Variants in RERE observed in about 807,000 individuals in gnomAD.
RERE encodes the protein arginine-glutamic acid dipeptide repeats protein.
In RERE, 40 loss-of-function variants were observed where a neutral mutation model predicts 146.1. The ratio of observed to expected loss-of-function variants is 0.27; its 90% CI spans 0.21 to 0.36. RERE has a LOEUF of 0.36. Ranked by LOEUF, RERE falls within the 10% of genes least tolerant of loss-of-function variation. The pLI, the probability that RERE is intolerant of heterozygous loss-of-function variation, is 1.00. For missense variants in RERE, 1,933 were observed against 2,138.7 expected, an observed-to-expected ratio of 0.90 and a Z score of 1.90; for synonymous variants, 1,003 against 866.0, an observed-to-expected ratio of 1.16 and a Z score of -2.78.
intron 19 of RERE, 46 bp downstream of exon 19, chr1:8,359,718 G>A (rs781710674): frequency 6.3e-6 from 10 of 1,586,840 alleles, no homozygotes; most frequent in Non-Finnish European, 8.5e-6. Flanking sequence ...CCCAGGCGCA[G>A]GATGGACCAG....
In RERE at chr1:8,360,409, G is replaced by A. The variant is rs1416704167; in HGVS notation, c.3098C>T (p.Pro1033Leu). 13 of 1,384,422 alleles carry A rather than the reference G, an allele frequency of 9.4e-6. No homozygotes were observed. The highest frequency in any genetic ancestry group is 2.7e-4 in the Middle Eastern group (1 of 3,764). 85.8% of individuals were successfully genotyped at this position (1,384,422 alleles called of 1,614,324 possible). ...TGLHQVAPQP[P>L]FAQHPFVPGG... ...AGGGACAAAGGGGTGCTGAGCAAACGGGGGTTGGGGGGCCACCTGGTGGAG... is the reference window on the plus strand; with the variant it reads ...AGGGACAAAGGGGTGCTGAGCAAACAGGGGTTGGGGGGCCACCTGGTGGAG... The change falls in exon 18 of 23, where the codon CCG (proline) becomes CTG (leucine). Residue 1033 changes from proline to leucine, a missense_variant. Pro to Leu is a moderately conservative substitution (Grantham distance 98). Transcript: ENST00000400908.
At chr1:8,635,972 C>CTTATTT (rs1404664984) in intron 2 of RERE, among the ~76,000 whole-genome samples, 1 of 143,824 alleles carries the variant, frequency 7.0e-6, no homozygotes, top group African/African-American at 2.8e-5. Flanking sequence ...CTTATCTTAT[C>CTTATTT]TTATCTTATT....
intron 4 of RERE, among the ~76,000 whole-genome samples, chr1:8,592,829 G>T (rs1191112641): frequency 1.3e-5 from 2 of 152,122 alleles, no homozygotes; most frequent in African/African-American, 2.4e-5. Context: ...AAAATGAACA[G>T]AAATTCAATT....
chr1:8,763,529 G>C (rs1164495317), intron 1 of RERE, among the ~76,000 whole-genome samples: 1 of 152,238 alleles, frequency 6.6e-6, no homozygotes, highest in African/African-American at 2.4e-5. Flanking sequence ...CAGCCACTCA[G>C]GAGGCTAAGG....
At chr1:8,732,416 A>T (rs892441739) in intron 1 of RERE, among the ~76,000 whole-genome samples, 1 of 151,970 alleles carries the variant, frequency 6.6e-6, no homozygotes, top group African/African-American at 2.4e-5. Flanking sequence ...CAACCATAGA[A>T]CTTTCTTTAA....
At chr1:8,523,311 G>A (rs1168628616) in intron 7 of RERE, among the ~76,000 whole-genome samples, 1 of 152,180 alleles carries the variant, frequency 6.6e-6, no homozygotes, top group African/African-American at 2.4e-5. Context: ...TAAATGTGAG[G>A]CTCCCTCAGA....
chr1:8,625,399 A>T (rs950493023), intron 2 of RERE, among the ~76,000 whole-genome samples: 1 of 152,214 alleles, frequency 6.6e-6, no homozygotes, highest in African/African-American at 2.4e-5. Flanking sequence ...AGGTCAGGAA[A>T]GTCTACGTAT....
In RERE at chr1:8,395,368, G is replaced by A. The variant is rs140595181; in HGVS notation, c.1284+27359C>T. Among the ~76,000 whole-genome samples the A allele has an allele frequency of 8.2e-3, 1,246 of 151,954 alleles. 15 individuals carry two copies. The highest frequency in any genetic ancestry group is 0.028 in the African/African-American group (1,173 of 41,434). On this transcript the variant is annotated intron_variant, in intron 12 of 22. Transcript: ENST00000400908. ...CACACGCCTGTAGTCCCAGCTACTC[G>A]GGAGGCTGAGGCAGGAGAATAGCTT...
intron 1 of RERE, among the ~76,000 whole-genome samples, chr1:8,710,637 G>A (rs4908774): frequency 0.17 from 26,272 of 152,100 alleles, 2,732 homozygotes; most frequent in Middle Eastern, 0.26. Context: ...TCCTGCCTCA[G>A]CCTCCCTAGT....
chr1:8,701,068 A>G (rs1192110905), intron 1 of RERE, among the ~76,000 whole-genome samples: 1 of 152,208 alleles, frequency 6.6e-6, no homozygotes, highest in Non-Finnish European at 1.5e-5. Flanking sequence ...AGTGTAAGAT[A>G]AAACTACCCT....
intron 12 of RERE, among the ~76,000 whole-genome samples, chr1:8,378,692 C>G (rs1238161268): frequency 2.0e-5 from 3 of 152,214 alleles, no homozygotes; most frequent in East Asian, 1.9e-4. Context: ...ACTTCCAGAA[C>G]TGTAAGAAAA....
At chr1:8,634,071 C>A (rs541798509) in intron 2 of RERE, among the ~76,000 whole-genome samples, 1 of 152,228 alleles carries the variant, frequency 6.6e-6, no homozygotes, top group Admixed American at 6.5e-5. Context: ...ACAGAGACAC[C>A]CTTTTCATTC....
chr1:8,605,745 C>CAAAAAAAAAAAAAAAAAAAAAA (rs564574812), intron 4 of RERE, among the ~76,000 whole-genome samples: 6 of 64,536 alleles, frequency 9.3e-5, no homozygotes, highest in African/African-American at 3.0e-4. Context: ...ACCCCATCTC[C>CAAAAAAAAAAAAAAAAAAAAAA]AAAAAAAAAA....
Position 8,621,838 on chromosome 1 carries a change from A to T in RERE, c.396+2472T>A, listed in dbSNP as rs190953998. 9.8e-4 allele frequency among the ~76,000 whole-genome samples: 150 copies of T among 152,364 alleles called. 1 individual carries two copies. Among genetic ancestry groups the T allele is most frequent in the Middle Eastern group, 6.8e-3 (2 of 294 alleles). ...TAGCTTCAGTAAACTGAAGGAGAAA[A>T]AAATCTTGATCATTCTCATCTGATT... On this transcript the variant is annotated intron_variant, in intron 3 of 22. Transcript: ENST00000400908.
chr1:8,617,722 T>C (rs1485256593), intron 3 of RERE, among the ~76,000 whole-genome samples: 1 of 152,152 alleles, frequency 6.6e-6, no homozygotes, highest in Non-Finnish European at 1.5e-5. Context: ...CACATGGCCT[T>C]TTCTGGGAGG....
At chr1:8,392,537 T>C (rs977715948) in intron 12 of RERE, among the ~76,000 whole-genome samples, 2 of 152,184 alleles carry the variant, frequency 1.3e-5, no homozygotes, top group Non-Finnish European at 2.9e-5. Context: ...ACAAAACATT[T>C]GCCTTTTCCT....
At chr1:8,797,204 G>GA (rs1436830348) in intron 1 of RERE, among the ~76,000 whole-genome samples, 1 of 151,994 alleles carries the variant, frequency 6.6e-6, no homozygotes, top group African/African-American at 2.4e-5. Flanking sequence ...GGAGACCCTA[G>GA]AAAAAAATTA....
At chr1:8,360,060 C>T in intron 18 of RERE, 52 bp downstream of exon 18, 2 of 1,216,666 alleles carry the variant, frequency 1.6e-6, no homozygotes, top group Non-Finnish European at 2.4e-6. Flanking sequence ...CCAGAACTTG[C>T]CCCCACCAGC....
At chr1:8,607,078 CG>C (rs1646722214) in intron 4 of RERE, among the ~76,000 whole-genome samples, 1 of 152,084 alleles carries the variant, frequency 6.6e-6, no homozygotes, top group South Asian at 2.1e-4. Flanking sequence ...AAGATATTGC[CG>C]GCCAGACGCA....
Sources: gnomAD v4.1 joint callset for allele counts (sites outside exome capture counted in the v4.1 genomes callset) on GRCh38, gnomAD v4.1.1 for gene constraint, MANE v1.5 for transcripts, NCBI Gene and HGNC (gene_info 2026-07-23, HGNC 2026-07-21) for gene names.